Variants in KCNIP4 observed in about 807,000 individuals in gnomAD.
The protein encoded by KCNIP4 is potassium voltage-gated channel interacting protein 4, also known as Kv channel-interacting protein 4.
In KCNIP4, 12 loss-of-function variants were observed where a neutral mutation model predicts 34.0. The ratio of observed to expected loss-of-function variants is 0.35; its 90% CI spans 0.23 to 0.57. KCNIP4 has a LOEUF of 0.57. KCNIP4 is among the 20% of genes least tolerant of loss of function. The pLI is 0.83. For missense variants in KCNIP4, 238 were observed against 311.7 expected, an observed-to-expected ratio of 0.76 and a Z score of 1.78; for synonymous variants, 124 against 102.2, an observed-to-expected ratio of 1.21 and a Z score of -1.29.
At chr4:21,093,278 C>A (rs1327220148) in intron 1 of KCNIP4, among the ~76,000 whole-genome samples, 1 of 152,166 alleles carries the variant, frequency 6.6e-6, no homozygotes. Context: ...ACCAAATTTG[C>A]AGGAAAATGA....
intron 1 of KCNIP4, among the ~76,000 whole-genome samples, chr4:21,046,522 G>A (rs1426577147): frequency 4.6e-5 from 7 of 151,654 alleles, no homozygotes; most frequent in Non-Finnish European, 1.0e-4. Flanking sequence ...ATAAAGCCAG[G>A]GAATATTCTA....
At chr4:21,093,878 C>T (rs369882172) in intron 1 of KCNIP4, among the ~76,000 whole-genome samples, 7 of 152,004 alleles carry the variant, frequency 4.6e-5, no homozygotes, top group East Asian at 1.9e-4. Flanking sequence ...GTGAGGAGAT[C>T]GAGACCATCC....
intron 1 of KCNIP4, among the ~76,000 whole-genome samples, chr4:21,517,628 T>C (rs1734872391): frequency 6.6e-6 from 1 of 152,142 alleles, no homozygotes; most frequent in Non-Finnish European, 1.5e-5. Flanking sequence ...TACGAGTCAT[T>C]ACATGCCTAC....
chr4:21,798,528 A>G (rs1720779083), intron 1 of KCNIP4, among the ~76,000 whole-genome samples: 1 of 135,682 alleles, frequency 7.4e-6, no homozygotes, highest in African/African-American at 2.6e-5. Context: ...AAAAAAAAAA[A>G]AAAAGGAAAG....
At chr4:20,999,910 A>G (rs1737950673) in intron 1 of KCNIP4, among the ~76,000 whole-genome samples, 3 of 152,238 alleles carry the variant, frequency 2.0e-5, no homozygotes, top group African/African-American at 7.2e-5. Context: ...GTTGCAACTT[A>G]GAATTTTCTG....
intron 3 of KCNIP4, among the ~76,000 whole-genome samples, chr4:20,839,995 G>T (rs9996124): frequency 0.39 from 59,294 of 152,066 alleles, 12,095 homozygotes; most frequent in Non-Finnish European, 0.46. Flanking sequence ...ATTCTTTGAA[G>T]CAAATGGCTC....
intron 1 of KCNIP4, among the ~76,000 whole-genome samples, chr4:21,944,271 CG>C (rs1410571195): frequency 6.6e-6 from 1 of 151,774 alleles, no homozygotes; most frequent in African/African-American, 2.4e-5. Context: ...TGGCTGGGCG[CG>C]GTAGCTCACG....
intron 1 of KCNIP4, among the ~76,000 whole-genome samples, chr4:21,058,329 C>T (rs751765434): frequency 1.6e-4 from 25 of 152,226 alleles, no homozygotes; most frequent in Non-Finnish European, 1.9e-4. Flanking sequence ...TATCTCTGCT[C>T]CATCTCTCCA....
intron 1 of KCNIP4, among the ~76,000 whole-genome samples, chr4:21,632,991 G>A (rs1480923281): frequency 2.0e-5 from 3 of 152,008 alleles, no homozygotes; most frequent in Non-Finnish European, 4.4e-5. Flanking sequence ...ATTTCTAAAC[G>A]GTACGTTCTT....
intron 3 of KCNIP4, among the ~76,000 whole-genome samples, chr4:20,844,048 A>G (rs1290006259): frequency 2.0e-5 from 3 of 152,244 alleles, no homozygotes; most frequent in African/African-American, 7.2e-5. Context: ...AAAGATATTA[A>G]GTAAAACATT....
intron 1 of KCNIP4, among the ~76,000 whole-genome samples, chr4:21,201,932 A>G (rs1387978054): frequency 6.6e-6 from 1 of 152,222 alleles, no homozygotes; most frequent in East Asian, 1.9e-4. Flanking sequence ...CCCATCACCC[A>G]TCATAATTTT....
At chr4:21,146,169 C>CG (rs1349940586) in intron 1 of KCNIP4, among the ~76,000 whole-genome samples, 1 of 152,016 alleles carries the variant, frequency 6.6e-6, no homozygotes, top group Non-Finnish European at 1.5e-5. Flanking sequence ...GAGGCTGAGG[C>CG]GGGAGGATCA....
chr4:21,102,139 T>A (rs1748001415), intron 1 of KCNIP4, among the ~76,000 whole-genome samples: 1 of 152,188 alleles, frequency 6.6e-6, no homozygotes, highest in Non-Finnish European at 1.5e-5. Context: ...CGATGTAGGT[T>A]TTTTAGTGAT....
rs534396927 is a variant in KCNIP4 at position 21,747,216 on chromosome 4, T to C, written c.61+201355A>G. On this transcript the variant is annotated intron_variant, in intron 1 of 8. Coordinates refer to ENST00000382152, the MANE Select transcript of KCNIP4 (RefSeq NM_025221.6). ...TTTATGCCCCAGAAATAAAAACAGATCACTCTATGGGAAAAGATGGAGATC... is the reference window on the plus strand; with the variant it reads ...TTTATGCCCCAGAAATAAAAACAGACCACTCTATGGGAAAAGATGGAGATC... Among the ~76,000 whole-genome samples, 14 of 152,146 alleles carry C rather than the reference T, an allele frequency of 9.2e-5. No homozygotes were observed. In the East Asian group the frequency reaches 2.7e-3, roughly 29 times the overall value.
At chr4:20,959,672 A>G (rs942621596) in intron 1 of KCNIP4, among the ~76,000 whole-genome samples, 1 of 152,132 alleles carries the variant, frequency 6.6e-6, no homozygotes, top group Non-Finnish European at 1.5e-5. Flanking sequence ...TTACACCACT[A>G]TCATCGCATT....
chr4:21,629,294 G>T (rs1745548377), intron 1 of KCNIP4, among the ~76,000 whole-genome samples: 1 of 152,186 alleles, frequency 6.6e-6, no homozygotes. Context: ...ATAAATCAAT[G>T]ATCAGCTTCA....
At chr4:21,365,539 A>C (rs1719687110) in intron 1 of KCNIP4, among the ~76,000 whole-genome samples, 1 of 65,062 alleles carries the variant, frequency 1.5e-5, no homozygotes. Context: ...TAAAGAAAGA[A>C]AAGAAAAAGA....
At chr4:21,283,707 G>A (rs917774762) in intron 1 of KCNIP4, among the ~76,000 whole-genome samples, 6 of 148,910 alleles carry the variant, frequency 4.0e-5, no homozygotes, top group South Asian at 2.2e-4. Flanking sequence ...GCTAGATGAC[G>A]AGTTAATGGG....
At chr4:21,409,065 A>C (rs1257232865) in intron 1 of KCNIP4, among the ~76,000 whole-genome samples, 1 of 150,140 alleles carries the variant, frequency 6.7e-6, no homozygotes, top group African/African-American at 2.5e-5. Flanking sequence ...AAAGGAACAC[A>C]TTTAGTTTTA....
Sources: allele counts gnomAD v4.1 joint callset (sites outside exome capture counted in the v4.1 genomes callset), GRCh38; gene constraint gnomAD v4.1.1; transcripts MANE v1.5; gene names NCBI Gene and HGNC (gene_info 2026-07-23, HGNC 2026-07-21).